Variants in NLGN4X observed in about 807,000 individuals in gnomAD.
NLGN4X encodes the protein neuroligin-4, X-linked.
Under a neutral mutation model 40.3 loss-of-function variants are expected in NLGN4X, and 3 were observed. The ratio of observed to expected loss-of-function variants is 0.07; its 90% CI spans 0.03 to 0.19. The LOEUF is 0.19. Ranked by LOEUF, NLGN4X falls within the 10% of genes least tolerant of loss-of-function variation. The pLI is 1.00. For synonymous variants in NLGN4X, 270 were observed against 306.8 expected (o/e 0.88, Z 1.25); for missense variants, 382 against 708.3 (o/e 0.54, Z 5.23).
intron 2 of NLGN4X, among the ~76,000 whole-genome samples, chrX:6,071,875 G>A: frequency 9.0e-6 from 1 of 111,029 alleles, no homozygotes; most frequent in East Asian, 2.9e-4. Context: ...GATTTGACTT[G>A]CCAATGTGAT....
intron 1 of NLGN4X, among the ~76,000 whole-genome samples, chrX:6,164,385 T>G (rs2040459018): frequency 8.9e-6 from 1 of 112,066 alleles, no homozygotes; most frequent in African/African-American, 3.2e-5. Flanking sequence ...GCTGAGTGAG[T>G]TCTTCTACAA....
chrX:6,220,759 A>C (rs1438058082), intron 1 of NLGN4X, among the ~76,000 whole-genome samples: 1 of 27,545 alleles, frequency 3.6e-5, no homozygotes, highest in Non-Finnish European at 6.3e-5. Context: ...TTTTTTTGAG[A>C]CAGAGTCTCG....
intron 3 of NLGN4X, among the ~76,000 whole-genome samples, chrX:5,961,014 T>C (rs1005462208): frequency 9.0e-6 from 1 of 111,637 alleles, no homozygotes; most frequent in African/African-American, 3.3e-5. Flanking sequence ...TTATTTACTT[T>C]ATTTTATTTT....
At chrX:6,102,354 G>A (rs1394236807) in intron 2 of NLGN4X, among the ~76,000 whole-genome samples, 4 of 110,832 alleles carry the variant, frequency 3.6e-5, no homozygotes, top group South Asian at 3.9e-4. Context: ...GGAGGTGGGC[G>A]CCTTTTGGAG....
chrX:6,002,064 C>T (rs2035984493), intron 3 of NLGN4X, among the ~76,000 whole-genome samples: 1 of 110,918 alleles, frequency 9.0e-6, no homozygotes, highest in Non-Finnish European at 1.9e-5. Context: ...TAATGACTTC[C>T]TGTGGGGGGT....
Position 6,004,974 on chromosome X carries a change from G to A in NLGN4X, c.625+24306C>T, listed in dbSNP as rs186195155. ...CAATTAGATGTTTCAGAATTTACAT[G>A]AGATATTATCCCATGTGCCTATCAA... is the stretch of plus-strand genomic sequence containing the variant. On this transcript the variant is annotated intron_variant, in intron 3 of 5. Coordinates refer to ENST00000381095, the MANE Select transcript of NLGN4X (RefSeq NM_181332.3). Among the ~76,000 whole-genome samples the A allele has an allele frequency of 8.9e-4, 99 of 111,678 alleles. 2 individuals are homozygous for A. The East Asian group carries it at 0.023, about 26-fold the overall frequency.
chrX:6,102,284 A>C (rs1199920852), intron 2 of NLGN4X, among the ~76,000 whole-genome samples: 1 of 111,505 alleles, frequency 9.0e-6, no homozygotes, highest in African/African-American at 3.3e-5. Flanking sequence ...ATGTACCCAC[A>C]AAAATTAGAA....
chrX:6,220,082 T>G (rs1925522514), intron 1 of NLGN4X, among the ~76,000 whole-genome samples: 1 of 110,939 alleles, frequency 9.0e-6, no homozygotes, highest in Non-Finnish European at 1.9e-5. Context: ...TTTTTAAAAT[T>G]AATAAGCAAC....
intron 2 of NLGN4X, among the ~76,000 whole-genome samples, chrX:6,125,282 CAAGGT>C (rs1464217519): frequency 8.9e-6 from 1 of 111,783 alleles, no homozygotes; most frequent in Non-Finnish European, 1.9e-5. Context: ...AGGAAATGAT[CAAGGT>C]AAGAGCAGAA....
intron 2 of NLGN4X, among the ~76,000 whole-genome samples, chrX:6,114,797 G>A (rs2039241327): frequency 9.0e-6 from 1 of 111,012 alleles, no homozygotes; most frequent in Non-Finnish European, 1.9e-5. Flanking sequence ...GGGAAGCTCA[G>A]TAAACAATCT....
intron 3 of NLGN4X, among the ~76,000 whole-genome samples, chrX:6,021,002 TTCTCTC>T (rs869309615): frequency 1.6e-3 from 38 of 24,099 alleles, no homozygotes; most frequent in Admixed American, 3.1e-3. Context: ...CTTCCTTCTT[TTCTCTC>T]TCTCTCTCTC....
At position 6,039,795 on chromosome X, in the gene NLGN4X, G is replaced by C. The variant is rs965844466; in HGVS notation, c.473-10363C>G. 3.6e-5 allele frequency among the ~76,000 whole-genome samples: 4 copies of C among 112,123 alleles called. No homozygotes were observed. The East Asian group carries it at 8.4e-4, about 24-fold the overall frequency. On this transcript the variant is annotated intron_variant, in intron 2 of 5. Transcript: ENST00000381095. ...TGAATAGCAATCCAATTTTTGACTG[G>C]CTGAATGTCTGTTATTGATTTGTAG...
chrX:6,171,751 G>GT (rs1229606806), intron 1 of NLGN4X, among the ~76,000 whole-genome samples: 1 of 111,495 alleles, frequency 9.0e-6, no homozygotes, highest in African/African-American at 3.3e-5. Flanking sequence ...TTCTTAATAA[G>GT]TTTTTTTTCT....
Position 5,947,435 on chromosome X carries a change from A to G in NLGN4X, c.626-38196T>C, listed in dbSNP as rs143342972. On this transcript the variant is annotated intron_variant, in intron 3 of 5. Coordinates refer to ENST00000381095, the MANE Select transcript of NLGN4X (RefSeq NM_181332.3). ...CAAGTCTGCAGTTCAAAATGCACGC[A>G]AGGTCAGGAAATTTGGGGGGAAAGT... Among the ~76,000 whole-genome samples the G allele has an allele frequency of 4.9e-3, 546 of 112,014 alleles. 4 individuals are homozygous for G. Among genetic ancestry groups the G allele is most frequent in the African/African-American group, 0.017 (513 of 30,865 alleles).
intron 2 of NLGN4X, among the ~76,000 whole-genome samples, chrX:6,099,143 T>C (rs2038850002): frequency 1.8e-5 from 2 of 112,222 alleles, no homozygotes; most frequent in African/African-American, 6.5e-5. Flanking sequence ...TAAGCCACAT[T>C]AAATAAGAAA....
intron 2 of NLGN4X, among the ~76,000 whole-genome samples, chrX:6,042,730 T>TAC (rs1555956845): frequency 0.088 from 1,752 of 19,931 alleles, 193 homozygotes; most frequent in Non-Finnish European, 0.12. Context: ...TATATATATA[T>TAC]ACACACACAC....
At chrX:6,034,782 C>G (rs1478775848) in intron 2 of NLGN4X, among the ~76,000 whole-genome samples, 1 of 109,453 alleles carries the variant, frequency 9.1e-6, no homozygotes, top group Non-Finnish European at 1.9e-5. Flanking sequence ...GATCTCGGCT[C>G]ACGACAACCT....
chrX:6,077,650 A>C (rs1379416461), intron 2 of NLGN4X, among the ~76,000 whole-genome samples: 1 of 111,144 alleles, frequency 9.0e-6, no homozygotes, highest in Non-Finnish European at 1.9e-5. Flanking sequence ...TTGTCGGATT[A>C]ACCTCATTTT....
chrX:6,210,500 T>C (rs759288147), intron 1 of NLGN4X, among the ~76,000 whole-genome samples: 5 of 111,178 alleles, frequency 4.5e-5, no homozygotes, highest in Non-Finnish European at 9.4e-5. Context: ...TAAAAATAGA[T>C]AAAACTGAGA....
Sources: gnomAD v4.1 joint callset for allele counts (sites outside exome capture counted in the v4.1 genomes callset) on GRCh38, gnomAD v4.1.1 for gene constraint, MANE v1.5 for transcripts, NCBI Gene and HGNC (gene_info 2026-07-23, HGNC 2026-07-21) for gene names.